OSBPL6: variants seen among roughly 807,000 people sequenced by gnomAD.
OSBPL6 encodes the protein oxysterol-binding protein-related protein 6.
In OSBPL6, 49 loss-of-function variants were observed where a neutral mutation model predicts 125.8. That is an observed-to-expected ratio of 0.39 (90% CI 0.31 to 0.49). OSBPL6 has a LOEUF of 0.49. OSBPL6 is among the 20% of genes least tolerant of loss of function. The pLI is 0.88. For missense variants in OSBPL6, 986 were observed against 1,135.4 expected (o/e 0.87, Z 1.89); for synonymous variants, 394 against 391.8 (o/e 1.01, Z -0.07).
intron 13 of OSBPL6, among the ~76,000 whole-genome samples, chr2:178,363,061 A>T (rs972483335): frequency 2.0e-5 from 3 of 152,224 alleles, no homozygotes; most frequent in African/African-American, 7.2e-5. Context: ...TAAACATTCA[A>T]ATGTCATCTT....
At position 178,400,989 on chromosome 2, in the gene OSBPL6, A is replaced by G. The variant is rs1472691527; in HGVS notation, c.*5430A>G. 1.3e-5 allele frequency: 2 copies of G among 152,234 alleles called. No homozygotes were observed. The highest frequency in any genetic ancestry group is 2.9e-5 in the Non-Finnish European group (2 of 68,038). The allele number at this position is 152,234 out of a possible 1,614,324, so 9.4% of individuals were successfully genotyped here. A position where few individuals can be genotyped will look rare whatever the true frequency, so the allele number is the denominator to read the frequency against. On this transcript the variant is annotated 3_prime_UTR_variant, in exon 25 of 25. Transcript: ENST00000190611. ...ATTTTAGATTTTCCCCCAAAAATGAAAAAAAATTATTTAAAAAATTTAGAT... is the reference window on the plus strand; with the variant it reads ...ATTTTAGATTTTCCCCCAAAAATGAGAAAAAATTATTTAAAAAATTTAGAT...
intron 2 of OSBPL6, among the ~76,000 whole-genome samples, chr2:178,288,775 A>G (rs931892488): frequency 4.0e-5 from 6 of 151,636 alleles, no homozygotes; most frequent in African/African-American, 1.5e-4. Flanking sequence ...CAGCCTCCCA[A>G]GTAGTTGGGA....
chr2:178,211,722 G>GCTGCCCTACCATTACCCT (rs2089872085), intron 1 of OSBPL6, among the ~76,000 whole-genome samples: 1 of 152,054 alleles, frequency 6.6e-6, no homozygotes, highest in Non-Finnish European at 1.5e-5. Flanking sequence ...GTCCCTTATT[G>GCTGCCCTACCATTACCCT]CTGCCCTACC....
At chr2:178,268,380 C>T (rs911093382) in intron 1 of OSBPL6, among the ~76,000 whole-genome samples, 1 of 152,118 alleles carries the variant, frequency 6.6e-6, no homozygotes, top group Non-Finnish European at 1.5e-5. Flanking sequence ...CTGCACCTGG[C>T]CCTTATTTAA....
intron 21 of OSBPL6, 48 bp downstream of exon 21, chr2:178,389,201 C>A: frequency 1.9e-6 from 3 of 1,567,824 alleles, no homozygotes; most frequent in Non-Finnish European, 2.6e-6. Flanking sequence ...TAAAATGCTT[C>A]TTAAAGAAGA....
chr2:178,289,976 A>AC (rs1207324202), intron 2 of OSBPL6, among the ~76,000 whole-genome samples: 2 of 152,164 alleles, frequency 1.3e-5, no homozygotes, highest in East Asian at 3.8e-4. Context: ...TAGTTACCCC[A>AC]CTTTTAGTGA....
chr2:178,338,292 G>A (rs1689882724), intron 9 of OSBPL6, among the ~76,000 whole-genome samples: 1 of 151,874 alleles, frequency 6.6e-6, no homozygotes, highest in South Asian at 2.1e-4. Context: ...TTTAAAGAGT[G>A]ATATTTTATT....
chr2:178,332,912 G>A lies in OSBPL6; in HGVS notation c.528G>A (p.Leu176=). The stretch of plus-strand genomic sequence containing the variant: ...GGTTTGATGCATGGGTCTCCAAACT[G>A]CGACATCATCGGTTGTATCGTCAGA... ...QDWFDAWVSK[L]RHHRLYRQNE... The change falls in exon 8 of 25, where the codon CTG becomes CTA. Residue 176 remains leucine (L), a synonymous_variant. Coordinates refer to ENST00000190611, the MANE Select transcript of OSBPL6 (RefSeq NM_032523.4). 1.2e-6 allele frequency: 2 copies of A among 1,613,948 alleles called. No homozygotes were observed. Among genetic ancestry groups the A allele is most frequent in the Non-Finnish European group, 1.7e-6 (2 of 1,179,842 alleles).
At chr2:178,235,398 C>CTTTTTTTTTTTTTTTTTTTTTTTTT (rs540269327) in intron 1 of OSBPL6, among the ~76,000 whole-genome samples, 6 of 78,040 alleles carry the variant, frequency 7.7e-5, no homozygotes, top group East Asian at 4.0e-4. Context: ...CTTTTCTTTT[C>CTTTTTTTTTTTTTTTTTTTTTTTTT]TTTTTTTTTT....
In OSBPL6 at chr2:178,383,205, C is replaced by A; in HGVS notation, c.1803C>A (p.His601Gln). The change falls in exon 17 of 25, where the codon CAC (histidine) becomes CAA (glutamine). Residue 601 changes from histidine (H) to glutamine (Q), a missense_variant. By Grantham distance (24) the His-to-Gln change is conservative (BLOSUM62 0). Around this residue, in one of 3 missense-constraint regions of OSBPL6, gnomAD observed 843 missense variants for 997.3 expected, o/e 0.85. Transcript: ENST00000190611. ...ELNEPLNTLQ[H>Q]LCEEMEYSEL... ...ACGAGCCGCTCAACACCCTGCAGCA[C>A]CTCTGTGAGGAAATGGAATACAGCG... 1 of 1,614,212 alleles carries A rather than the reference C, an allele frequency of 6.2e-7. No individual in the cohort carries two copies. The highest frequency in any genetic ancestry group is 1.1e-5 in the South Asian group (1 of 91,084).
At chr2:178,240,159 C>T (rs966009686) in intron 1 of OSBPL6, among the ~76,000 whole-genome samples, 6 of 152,018 alleles carry the variant, frequency 3.9e-5, no homozygotes, top group Admixed American at 1.3e-4. Context: ...TAATTTTTAA[C>T]GGGTACATAG....
At chr2:178,260,049 C>A (rs1037271625) in intron 1 of OSBPL6, among the ~76,000 whole-genome samples, 12 of 152,142 alleles carry the variant, frequency 7.9e-5, no homozygotes, top group Non-Finnish European at 1.5e-5. Flanking sequence ...TAATATTCTT[C>A]TTCATTAATT....
At chr2:178,329,661 A>G (rs1689020932) in intron 5 of OSBPL6, among the ~76,000 whole-genome samples, 2 of 151,986 alleles carry the variant, frequency 1.3e-5, no homozygotes, top group South Asian at 4.2e-4. Flanking sequence ...TCCTGACCTC[A>G]TGATCTGCCT....
At chr2:178,318,495 A>G (rs1272731533) in intron 3 of OSBPL6, among the ~76,000 whole-genome samples, 1 of 152,236 alleles carries the variant, frequency 6.6e-6, no homozygotes, top group Non-Finnish European at 1.5e-5. Flanking sequence ...CTACTTCTTC[A>G]GCCATGGCCT....
intron 1 of OSBPL6, among the ~76,000 whole-genome samples, chr2:178,198,685 A>T (rs1464667474): frequency 6.6e-6 from 1 of 151,238 alleles, no homozygotes; most frequent in Non-Finnish European, 1.5e-5. Context: ...GAGGTTAAGT[A>T]ATCTGCCCAA....
intron 14 of OSBPL6, 138 bp from the exon 15 acceptor site, chr2:178,373,752 T>C (rs1559307724): frequency 2.0e-6 from 2 of 1,003,054 alleles, no homozygotes; most frequent in Non-Finnish European, 2.9e-6. Flanking sequence ...TGATCATTGC[T>C]GAATTGCAAG....
chr2:178,375,007 T>A (rs1273254258), intron 15 of OSBPL6, among the ~76,000 whole-genome samples: 1 of 152,192 alleles, frequency 6.6e-6, no homozygotes. Flanking sequence ...AAGGCATGCA[T>A]TAACAGGTTC....
chr2:178,370,981 C>G (rs1330107148), intron 13 of OSBPL6, among the ~76,000 whole-genome samples: 1 of 152,144 alleles, frequency 6.6e-6, no homozygotes, highest in East Asian at 1.9e-4. Flanking sequence ...TGTTTTTACC[C>G]TGGGTGTTTT....
chr2:178,300,593 C>T (rs943376200), intron 2 of OSBPL6, among the ~76,000 whole-genome samples: 4 of 152,170 alleles, frequency 2.6e-5, no homozygotes, highest in Non-Finnish European at 1.5e-5. Context: ...CCCGAATAGC[C>T]GGGATCACAG....
Sources: gnomAD v4.1 joint callset for allele counts (sites outside exome capture counted in the v4.1 genomes callset) on GRCh38, gnomAD v4.1.1 for gene constraint, gnomAD v4.1.1 regional missense constraint, MANE v1.5 for transcripts, NCBI Gene and HGNC (gene_info 2026-07-23, HGNC 2026-07-21) for gene names.